CRPPA: variants seen among roughly 807,000 people sequenced by gnomAD.
The protein encoded by CRPPA is CDP-L-ribitol pyrophosphorylase A, also known as D-ribitol-5-phosphate cytidylyltransferase.
In CRPPA, 43 loss-of-function variants were observed where a neutral mutation model predicts 52.0. The ratio of observed to expected loss-of-function variants is 0.83; its 90% CI spans 0.65 to 1.07. CRPPA has a LOEUF of 1.07. CRPPA is among the 50% of genes least tolerant of loss of function. The pLI is 0.00. For synonymous variants in CRPPA, 250 were observed against 203.5 expected, an observed-to-expected ratio of 1.23 and a Z score of -1.94; for missense variants, 629 against 551.7, an observed-to-expected ratio of 1.14 and a Z score of -1.40.
At chr7:16,185,025 G>A (rs747428160) in intron 9 of CRPPA, among the ~76,000 whole-genome samples, 7 of 152,100 alleles carry the variant, frequency 4.6e-5, no homozygotes, top group Non-Finnish European at 1.0e-4. Context: ...AGTGGTTCTA[G>A]GTACCATAGA....
At chr7:16,263,992 T>A in intron 6 of CRPPA, among the ~76,000 whole-genome samples, 1 of 149,916 alleles carries the variant, frequency 6.7e-6, no homozygotes, top group Non-Finnish European at 1.5e-5. Flanking sequence ...AAACTGCAAT[T>A]TTTTTTCTTC....
intron 9 of CRPPA, among the ~76,000 whole-genome samples, chr7:16,129,981 C>G (rs1782651247): frequency 6.6e-6 from 1 of 152,116 alleles, no homozygotes; most frequent in Non-Finnish European, 1.5e-5. Context: ...AATGAGGAAG[C>G]ACACAAATAA....
At chr7:16,162,453 G>A (rs1780922372) in intron 9 of CRPPA, among the ~76,000 whole-genome samples, 3 of 152,196 alleles carry the variant, frequency 2.0e-5, no homozygotes, top group Admixed American at 2.0e-4. Flanking sequence ...TCATTCAGGA[G>A]CAGGTTGTTC....
intron 2 of CRPPA, among the ~76,000 whole-genome samples, chr7:16,399,324 G>A (rs761343212): frequency 3.9e-5 from 6 of 152,014 alleles, no homozygotes; most frequent in Admixed American, 6.6e-5. Context: ...TGACCAACAC[G>A]TGACCAGAGT....
At chr7:16,104,628 C>T (rs1782112100) in intron 9 of CRPPA, among the ~76,000 whole-genome samples, 1 of 152,156 alleles carries the variant, frequency 6.6e-6, no homozygotes, top group Non-Finnish European at 1.5e-5. Flanking sequence ...AGGCTGGGTG[C>T]AGTGGCTCAC....
intron 9 of CRPPA, among the ~76,000 whole-genome samples, chr7:16,197,480 G>C (rs557710975): frequency 1.1e-3 from 169 of 152,064 alleles, no homozygotes; most frequent in Middle Eastern, 6.8e-3. Flanking sequence ...TGGGATGACC[G>C]GTATGCACTC....
At chr7:16,337,832 A>G (rs141708364) in intron 3 of CRPPA, among the ~76,000 whole-genome samples, 1 of 152,276 alleles carries the variant, frequency 6.6e-6, no homozygotes, top group African/African-American at 2.4e-5. Context: ...AACCAATAAC[A>G]ATTAAGGACA....
At chr7:16,244,724 T>G (rs79637993) in intron 8 of CRPPA, among the ~76,000 whole-genome samples, 1 of 152,182 alleles carries the variant, frequency 6.6e-6, no homozygotes. Flanking sequence ...CATAAATGTC[T>G]AATAGCCACA....
At chr7:16,214,804 AAG>A (rs1267589540) in intron 9 of CRPPA, among the ~76,000 whole-genome samples, 1 of 152,114 alleles carries the variant, frequency 6.6e-6, no homozygotes, top group African/African-American at 2.4e-5. Context: ...AGCCACCACA[AAG>A]AGAGAATATT....
chr7:16,155,578 TGAGGAATAC>T (rs561448214), intron 9 of CRPPA, among the ~76,000 whole-genome samples: 13 of 152,334 alleles, frequency 8.5e-5, no homozygotes, highest in Admixed American at 8.5e-4. Context: ...TGCTTCCATT[TGAGGAATAC>T]GACATATTTT....
chr7:16,111,449 T>C (rs1171820791), intron 9 of CRPPA, among the ~76,000 whole-genome samples: 1 of 152,182 alleles, frequency 6.6e-6, no homozygotes, highest in Non-Finnish European at 1.5e-5. Context: ...AAATCAGTTT[T>C]TCAAAGAGAT....
At chr7:16,252,177 A>C (rs1017942792) in intron 8 of CRPPA, among the ~76,000 whole-genome samples, 1 of 152,184 alleles carries the variant, frequency 6.6e-6, no homozygotes, top group African/African-American at 2.4e-5. Flanking sequence ...AACGATATCC[A>C]GCAGCACATC....
At chr7:16,321,204 C>G (rs958917005) in intron 3 of CRPPA, among the ~76,000 whole-genome samples, 1 of 152,032 alleles carries the variant, frequency 6.6e-6, no homozygotes, top group African/African-American at 2.4e-5. Flanking sequence ...ATACAGGAAA[C>G]AATGTTATCA....
chr7:16,269,594 A>C (rs1784043215), intron 6 of CRPPA: 1 of 152,156 alleles, frequency 6.6e-6, no homozygotes, highest in African/African-American at 2.4e-5. Flanking sequence ...GAGAAAGGTA[A>C]ACTTTTTTTA....
chr7:16,199,729 A>T (rs1421843652), intron 9 of CRPPA, among the ~76,000 whole-genome samples: 1 of 152,144 alleles, frequency 6.6e-6, no homozygotes, highest in Non-Finnish European at 1.5e-5. Flanking sequence ...TAGAGAATTC[A>T]CTACAGCAAA....
At chr7:16,331,414 G>T (rs923518344) in intron 3 of CRPPA, among the ~76,000 whole-genome samples, 6 of 152,118 alleles carry the variant, frequency 3.9e-5, no homozygotes, top group African/African-American at 1.2e-4. Context: ...ATTTACTGCA[G>T]ATCCTTCTAC....
At chr7:16,321,709 C>A (rs1248162510) in intron 3 of CRPPA, among the ~76,000 whole-genome samples, 1 of 152,048 alleles carries the variant, frequency 6.6e-6, no homozygotes, top group Non-Finnish European at 1.5e-5. Context: ...TTGGAGGAAC[C>A]AATTGGATTT....
chr7:16,268,399 T>C (rs952498921), intron 6 of CRPPA, among the ~76,000 whole-genome samples: 7 of 151,372 alleles, frequency 4.6e-5, no homozygotes, highest in Admixed American at 6.6e-5. Context: ...TCCCAATATT[T>C]GTTCAACCTG....
intron 3 of CRPPA, among the ~76,000 whole-genome samples, chr7:16,310,358 C>T (rs1299024469): frequency 6.6e-6 from 1 of 152,090 alleles, no homozygotes; most frequent in African/African-American, 2.4e-5. Context: ...TAGAGAAACA[C>T]ACAGTCAACA....
Sources: gnomAD v4.1 joint callset for allele counts (sites outside exome capture counted in the v4.1 genomes callset) on GRCh38, gnomAD v4.1.1 for gene constraint, MANE v1.5 for transcripts, NCBI Gene and HGNC (gene_info 2026-07-23, HGNC 2026-07-21) for gene names.